Variants in KCNT2 observed in about 807,000 individuals in gnomAD.
The protein encoded by KCNT2 is potassium sodium-activated channel subfamily T member 2.
In KCNT2, 67 loss-of-function variants were observed where a neutral mutation model predicts 153.8. That is an observed-to-expected ratio of 0.44 (90% CI 0.36 to 0.53). The LOEUF (loss-of-function observed/expected upper bound fraction) is 0.53. Among genes scored for constraint, KCNT2 ranks in the 20% least tolerant of loss-of-function variants. The pLI, the probability that KCNT2 is intolerant of heterozygous loss-of-function variation, is 0.00. For missense variants in KCNT2, 975 were observed against 1,354.8 expected (o/e 0.72, Z 4.40); for synonymous variants, 500 against 458.8 (o/e 1.09, Z -1.15).
intron 1 of KCNT2, among the ~76,000 whole-genome samples, chr1:196,547,599 G>A (rs1334612415): frequency 6.6e-6 from 1 of 151,440 alleles, no homozygotes; most frequent in Non-Finnish European, 1.5e-5. Flanking sequence ...AATTTTGTAT[G>A]GGATGATTTC....
chr1:196,570,022 C>G (rs1197225426), intron 1 of KCNT2, among the ~76,000 whole-genome samples: 1 of 143,016 alleles, frequency 7.0e-6, no homozygotes, highest in Non-Finnish European at 1.5e-5. Context: ...CTAAGAAGTT[C>G]TAACCAACAA....
rs192944788 is a variant in KCNT2 at position 196,361,176 on chromosome 1, C to A, written c.1403+11964G>T. Among the ~76,000 whole-genome samples the A allele has an allele frequency of 1.3e-4, 19 of 151,914 alleles. No homozygotes were observed. The East Asian group carries it at 3.3e-3, about 26-fold the overall frequency. The stretch of plus-strand genomic sequence containing the variant: ...TGAGTTAGCCAGATAAGAATCACCA[C>A]AAGCAACGCCCTCTCCAACAGACAC... On this transcript the variant is annotated intron_variant, in intron 14 of 27. Transcript: ENST00000294725.
intron 14 of KCNT2, among the ~76,000 whole-genome samples, chr1:196,352,442 AT>A (rs1266236524): frequency 1.3e-5 from 2 of 152,012 alleles, no homozygotes; most frequent in Admixed American, 1.3e-4. Context: ...GGGAGAGTGT[AT>A]GTGTCAAGGA....
chr1:196,584,505 G>C (rs954450574), intron 1 of KCNT2, among the ~76,000 whole-genome samples: 3 of 152,004 alleles, frequency 2.0e-5, no homozygotes, highest in Admixed American at 2.0e-4. Context: ...TTATTTGTAA[G>C]GGTGCACGTA....
intron 1 of KCNT2, among the ~76,000 whole-genome samples, chr1:196,508,558 T>C (rs1357408648): frequency 6.6e-6 from 1 of 152,150 alleles, no homozygotes; most frequent in East Asian, 1.9e-4. Context: ...ATAAAATATC[T>C]GGTAAAGATT....
At chr1:196,320,938 T>A (rs1663246505) in intron 19 of KCNT2, among the ~76,000 whole-genome samples, 1 of 151,710 alleles carries the variant, frequency 6.6e-6, no homozygotes, top group Non-Finnish European at 1.5e-5. Flanking sequence ...GCTATCGTAT[T>A]TAACACTGGT....
chr1:196,331,007 C>A, intron 18 of KCNT2, 149 bp downstream of exon 18: 1 of 557,036 alleles, frequency 1.8e-6, no homozygotes, highest in South Asian at 2.2e-5. Context: ...GTAAAACTGA[C>A]CACTTTATAT....
At chr1:196,369,122 T>A (rs1558204148) in intron 14 of KCNT2, among the ~76,000 whole-genome samples, 1 of 152,134 alleles carries the variant, frequency 6.6e-6, no homozygotes, top group Non-Finnish European at 1.5e-5. Flanking sequence ...ATGGGACTAA[T>A]TAAGTATTGT....
intron 1 of KCNT2, among the ~76,000 whole-genome samples, chr1:196,601,222 A>T (rs892654987): frequency 2.0e-5 from 3 of 152,158 alleles, no homozygotes; most frequent in Non-Finnish European, 4.4e-5. Flanking sequence ...TTACACCTCG[A>T]TCTCAACACA....
At chr1:196,243,890 C>T (rs1429680230) in intron 26 of KCNT2, among the ~76,000 whole-genome samples, 1 of 151,990 alleles carries the variant, frequency 6.6e-6, no homozygotes, top group Non-Finnish European at 1.5e-5. Flanking sequence ...TTGTGCCACC[C>T]CTCCCCCAAA....
At chr1:196,264,556 G>C (rs903373113) in intron 25 of KCNT2, among the ~76,000 whole-genome samples, 3 of 151,960 alleles carry the variant, frequency 2.0e-5, no homozygotes, top group Non-Finnish European at 4.4e-5. Context: ...CCCATGGATG[G>C]GGAAGCTGGT....
chr1:196,578,839 T>C (rs1268638126), intron 1 of KCNT2, among the ~76,000 whole-genome samples: 3 of 152,274 alleles, frequency 2.0e-5, no homozygotes, highest in Non-Finnish European at 2.9e-5. Flanking sequence ...AATTATTTTT[T>C]TGTATTAGAG....
intron 1 of KCNT2, among the ~76,000 whole-genome samples, chr1:196,539,753 T>C (rs892239999): frequency 5.3e-5 from 8 of 151,954 alleles, no homozygotes; most frequent in Non-Finnish European, 8.8e-5. Context: ...AATAATTTTC[T>C]CTGATGTCTA....
intron 8 of KCNT2, among the ~76,000 whole-genome samples, chr1:196,433,768 G>T (rs2148557276): frequency 6.6e-6 from 1 of 151,836 alleles, no homozygotes; most frequent in East Asian, 1.9e-4. Context: ...CTCCTTATTT[G>T]TCTAAGTTAT....
intron 16 of KCNT2, among the ~76,000 whole-genome samples, chr1:196,336,134 T>C (rs1665006877): frequency 6.6e-6 from 1 of 152,086 alleles, no homozygotes; most frequent in Non-Finnish European, 1.5e-5. Flanking sequence ...CTCTCCACAT[T>C]GTCTGTCCTG....
intron 5 of KCNT2, among the ~76,000 whole-genome samples, chr1:196,470,706 C>T (rs1678017155): frequency 6.6e-6 from 1 of 152,164 alleles, no homozygotes; most frequent in African/African-American, 2.4e-5. Flanking sequence ...ACTTCATTCC[C>T]TGTTCTTCCT....
At chr1:196,422,971 G>A (rs939052785) in intron 12 of KCNT2, 79 bp downstream of exon 12, 110 of 890,480 alleles carry the variant, frequency 1.2e-4, no homozygotes, top group Non-Finnish European at 1.7e-4. Flanking sequence ...TAATGCTGGC[G>A]AATTTTTAAA....
rs150090869 is a variant in KCNT2, at chr1:196,593,213, T to A, written c.95+15002A>T. Among the ~76,000 whole-genome samples the A allele has an allele frequency of 4.8e-3, 723 of 150,368 alleles. 3 individuals carry two copies. Among genetic ancestry groups the A allele is most frequent in the African/African-American group, 0.016 (659 of 41,206 alleles). On this transcript the variant is annotated intron_variant, in intron 1 of 27. Coordinates refer to ENST00000294725, the MANE Select transcript of KCNT2 (RefSeq NM_198503.5). ...TCCTGAGTTACTTCACTTAGAATAA[T>A]ATTCTCTAATTCCATCCAGGTTGCT...
chr1:196,246,140 G>A (rs1655424234), intron 26 of KCNT2, among the ~76,000 whole-genome samples: 1 of 152,122 alleles, frequency 6.6e-6, no homozygotes, highest in Non-Finnish European at 1.5e-5. Flanking sequence ...ATATATCTGG[G>A]AGCAGACTTC....
Sources: allele counts gnomAD v4.1 joint callset (sites outside exome capture counted in the v4.1 genomes callset), GRCh38; gene constraint gnomAD v4.1.1; transcripts MANE v1.5; gene names NCBI Gene and HGNC (gene_info 2026-07-23, HGNC 2026-07-21).